Variants in PPP2R2B observed in about 807,000 individuals in gnomAD.
PPP2R2B encodes protein phosphatase 2 regulatory subunit Bbeta.
PPP2R2B carries 5 observed loss-of-function variants against 46.0 expected under a neutral mutation model. That is an observed-to-expected ratio of 0.11 (90% CI 0.06 to 0.23). The LOEUF is 0.23. PPP2R2B is among the 10% of genes least tolerant of loss of function. The pLI is 1.00. For missense variants in PPP2R2B, 367 were observed against 575.0 expected, an observed-to-expected ratio of 0.64 and a Z score of 3.70; for synonymous variants, 215 against 206.7, an observed-to-expected ratio of 1.04 and a Z score of -0.34.
At chr5:146,966,591 T>C (rs1381902511) in intron 1 of PPP2R2B, among the ~76,000 whole-genome samples, 1 of 152,224 alleles carries the variant, frequency 6.6e-6, no homozygotes, top group East Asian at 1.9e-4. Flanking sequence ...CTGAAAACAT[T>C]ACTTTCTTTC....
At chr5:146,843,195 C>G (rs570989611) in intron 2 of PPP2R2B, among the ~76,000 whole-genome samples, 9 of 152,192 alleles carry the variant, frequency 5.9e-5, no homozygotes, top group Non-Finnish European at 7.3e-5. Flanking sequence ...CTCAAAAAAA[C>G]TTTAAAATTA....
intron 1 of PPP2R2B, among the ~76,000 whole-genome samples, chr5:146,966,836 A>G (rs925335710): frequency 2.3e-4 from 35 of 152,316 alleles, no homozygotes; most frequent in African/African-American, 8.4e-4. Flanking sequence ...AGGTCTGTAC[A>G]TAGATCACCT....
chr5:146,856,429 T>G, intron 2 of PPP2R2B: 3 of 1,196,804 alleles, frequency 2.5e-6, no homozygotes, highest in Non-Finnish European at 3.7e-6. Context: ...TTTTAAGCAA[T>G]TGGAACTATT....
intron 6 of PPP2R2B, among the ~76,000 whole-genome samples, chr5:146,640,754 C>T (rs1224728584): frequency 6.6e-6 from 1 of 152,120 alleles, no homozygotes; most frequent in Non-Finnish European, 1.5e-5. Flanking sequence ...AAAATAAAGC[C>T]CCAAAGTAAG....
chr5:146,854,994 C>T (rs1760566797), intron 2 of PPP2R2B, among the ~76,000 whole-genome samples: 1 of 152,000 alleles, frequency 6.6e-6, no homozygotes, highest in Non-Finnish European at 1.5e-5. Context: ...TTTTTTCTCC[C>T]TCCATCTTGG....
intron 5 of PPP2R2B, among the ~76,000 whole-genome samples, chr5:146,688,158 T>G (rs1778624102): frequency 6.6e-6 from 1 of 151,988 alleles, no homozygotes; most frequent in Non-Finnish European, 1.5e-5. Context: ...TACACTGAAA[T>G]GCAGGATATT....
intron 2 of PPP2R2B, among the ~76,000 whole-genome samples, chr5:146,783,346 T>C (rs1301546172): frequency 6.6e-6 from 1 of 152,224 alleles, no homozygotes; most frequent in African/African-American, 2.4e-5. Flanking sequence ...CAGTGTGGTA[T>C]AGCATAAGCC....
At chr5:146,971,359 T>C (rs1752653933) in intron 1 of PPP2R2B, among the ~76,000 whole-genome samples, 1 of 152,190 alleles carries the variant, frequency 6.6e-6, no homozygotes, top group African/African-American at 2.4e-5. Flanking sequence ...ATAACATGTG[T>C]CCCCTTCTCT....
chr5:146,780,008 G>A (rs1337729348), intron 2 of PPP2R2B, among the ~76,000 whole-genome samples: 1 of 152,120 alleles, frequency 6.6e-6, no homozygotes, highest in Non-Finnish European at 1.5e-5. Flanking sequence ...CCATAGAGTA[G>A]CTCAAACTAA....
chr5:146,977,439 G>A lies in PPP2R2B; in HGVS notation c.79+78226C>T, dbSNP rs531588598. ...TGTGCAGAACATGAAGGTTTATTACGTAGGTATACACGTGCCATTGTGGTT... is the reference window on the plus strand; with the variant it reads ...TGTGCAGAACATGAAGGTTTATTACATAGGTATACACGTGCCATTGTGGTT... On this transcript the variant is annotated intron_variant, in intron 1 of 8. Coordinates refer to the PPP2R2B transcript ENST00000336640. 1.2e-4 allele frequency among the ~76,000 whole-genome samples: 18 copies of A among 151,820 alleles called. No homozygotes were observed. The South Asian group carries it at 2.1e-3, about 18-fold the overall frequency.
At chr5:147,078,825 A>T (rs1757880103) in intron 2 of PPP2R2B, among the ~76,000 whole-genome samples, 1 of 151,558 alleles carries the variant, frequency 6.6e-6, no homozygotes. Context: ...AAAAAAAAAA[A>T]AATTGTATCA....
At chr5:146,870,510 C>A (rs1371008287) in intron 2 of PPP2R2B, among the ~76,000 whole-genome samples, 3 of 152,182 alleles carry the variant, frequency 2.0e-5, no homozygotes, top group Non-Finnish European at 2.9e-5. Context: ...ATGCTGGCAC[C>A]TTGATCGTGG....
intron 7 of PPP2R2B, among the ~76,000 whole-genome samples, chr5:146,629,514 T>G (rs1001286158): frequency 6.6e-6 from 1 of 152,140 alleles, no homozygotes; most frequent in Non-Finnish European, 1.5e-5. Flanking sequence ...CTAAATGGTC[T>G]CTCTGCTTTC....
intron 5 of PPP2R2B, among the ~76,000 whole-genome samples, chr5:146,666,657 A>G (rs1257350282): frequency 1.3e-5 from 2 of 152,074 alleles, no homozygotes; most frequent in Non-Finnish European, 2.9e-5. Context: ...TCTCCTCTCC[A>G]CTTTCATAGA....
intron 1 of PPP2R2B, among the ~76,000 whole-genome samples, chr5:146,965,638 C>T (rs528147296): frequency 1.3e-5 from 2 of 152,322 alleles, no homozygotes; most frequent in Non-Finnish European, 2.9e-5. Context: ...GCTTGCTTTG[C>T]GTCAGCTTCC....
chr5:146,681,761 T>C (rs980311174), intron 5 of PPP2R2B, among the ~76,000 whole-genome samples: 2 of 152,212 alleles, frequency 1.3e-5, no homozygotes, highest in East Asian at 1.9e-4. Flanking sequence ...AACTCTGCCC[T>C]GTCAACCTTC....
At chr5:146,749,351 A>G (rs1454460329) in intron 2 of PPP2R2B, among the ~76,000 whole-genome samples, 1 of 152,144 alleles carries the variant, frequency 6.6e-6, no homozygotes, top group Non-Finnish European at 1.5e-5. Context: ...TTGTCATTTA[A>G]TCCTCTAAAC....
intron 2 of PPP2R2B, among the ~76,000 whole-genome samples, chr5:146,841,660 A>C (rs1759651934): frequency 6.6e-6 from 1 of 152,200 alleles, no homozygotes; most frequent in South Asian, 2.1e-4. Flanking sequence ...GGAAACCATC[A>C]TTCTCAGCAA....
intron 6 of PPP2R2B, among the ~76,000 whole-genome samples, chr5:146,638,848 T>C (rs1184011118): frequency 6.6e-6 from 1 of 152,226 alleles, no homozygotes; most frequent in African/African-American, 2.4e-5. Flanking sequence ...GGCTGATAAG[T>C]GATATCTATA....
Sources: gnomAD v4.1 joint callset for allele counts (sites outside exome capture counted in the v4.1 genomes callset) on GRCh38, gnomAD v4.1.1 for gene constraint, MANE v1.5 for transcripts, NCBI Gene and HGNC (gene_info 2026-07-23, HGNC 2026-07-21) for gene names.